The following KCNH5 variants were observed in gnomAD, a reference collection of about 807,000 sequenced individuals.
KCNH5 encodes the protein potassium voltage-gated channel subfamily H member 5.
Under a neutral mutation model 96.1 loss-of-function variants are expected in KCNH5, and 46 were observed. The ratio of observed to expected loss-of-function variants is 0.48; its 90% CI spans 0.38 to 0.61. The LOEUF (loss-of-function observed/expected upper bound fraction) is 0.61, where lower values mean the gene tolerates loss of function less well. KCNH5 is among the 20% of genes least tolerant of loss of function. KCNH5 has a pLI of 0.00. For synonymous variants in KCNH5, 439 were observed against 449.8 expected (o/e 0.98, Z 0.30); for missense variants, 907 against 1,225.8 (o/e 0.74, Z 3.88).
At chr14:62,817,168 AAT>A (rs1380205488) in intron 8 of KCNH5, among the ~76,000 whole-genome samples, 1 of 138,780 alleles carries the variant, frequency 7.2e-6, no homozygotes, top group Non-Finnish European at 1.5e-5. Context: ...CATAATATAT[AAT>A]ATATAATATA....
chr14:62,867,343 C>T (rs901848578), intron 7 of KCNH5, among the ~76,000 whole-genome samples: 1 of 152,206 alleles, frequency 6.6e-6, no homozygotes, highest in Non-Finnish European at 1.5e-5. Context: ...GGCTTCCTAA[C>T]ACCCACAGGT....
At chr14:62,773,360 C>A (rs534039630) in intron 10 of KCNH5, among the ~76,000 whole-genome samples, 1 of 152,266 alleles carries the variant, frequency 6.6e-6, no homozygotes, top group South Asian at 2.1e-4. Context: ...TCCTGGAATC[C>A]TTCCCTGTTT....
chr14:62,839,402 T>C (rs990151885), intron 8 of KCNH5, among the ~76,000 whole-genome samples: 2 of 152,328 alleles, frequency 1.3e-5, no homozygotes, highest in East Asian at 3.9e-4. Flanking sequence ...AGTAAAGCTA[T>C]ACCCTGATCT....
intron 8 of KCNH5, among the ~76,000 whole-genome samples, chr14:62,826,678 A>G (rs111878737): frequency 1.3e-5 from 2 of 152,150 alleles, no homozygotes; most frequent in East Asian, 3.9e-4. Context: ...TTACCTACAT[A>G]TAACCCTTAA....
chr14:62,995,736 G>A (rs185848060), intron 4 of KCNH5, among the ~76,000 whole-genome samples: 8 of 152,132 alleles, frequency 5.3e-5, no homozygotes, highest in African/African-American at 1.9e-4. Flanking sequence ...TTTACTCTCA[G>A]TTGATAACTG....
intron 6 of KCNH5, among the ~76,000 whole-genome samples, chr14:62,961,893 T>A (rs543331555): frequency 2.6e-4 from 37 of 141,076 alleles, no homozygotes; most frequent in Middle Eastern, 4.5e-3. Flanking sequence ...GAGATGGAGA[T>A]GGAGATGATG....
In KCNH5 at chr14:62,708,538, T is replaced by G. The variant is rs931696215; in HGVS notation, c.2020-83A>C. The stretch of plus-strand genomic sequence containing the variant: ...GTATAATACTATGCTGTATGTGCTT[T>G]GTGTTACAAAGAAAACCCTTGAATA... On this transcript the variant is annotated intron_variant, in intron 10 of 10. Transcript: ENST00000322893. The G allele has an allele frequency of 4.9e-6, 4 of 823,688 alleles. No individual in the cohort carries two copies. In the African/African-American group the frequency reaches 6.8e-5, roughly 14 times the overall value. The allele number at this position is 823,688 out of a possible 1,614,324, so 51.0% of individuals were successfully genotyped here.
chr14:62,892,662 T>C (rs1438004335), intron 7 of KCNH5, among the ~76,000 whole-genome samples: 3 of 152,214 alleles, frequency 2.0e-5, no homozygotes, highest in Non-Finnish European at 2.9e-5. Flanking sequence ...CTCTTGTCAG[T>C]AGTTAATGCA....
At chr14:63,003,624 A>AC (rs1555333067) in intron 3 of KCNH5, among the ~76,000 whole-genome samples, 5 of 92,854 alleles carry the variant, frequency 5.4e-5, no homozygotes, top group African/African-American at 2.4e-4. Flanking sequence ...ATATATATAT[A>AC]TTTTTTTTTT....
intron 8 of KCNH5, among the ~76,000 whole-genome samples, chr14:62,830,559 G>A (rs1887323506): frequency 6.6e-6 from 1 of 152,130 alleles, no homozygotes; most frequent in African/African-American, 2.4e-5. Context: ...GAGGGGAACT[G>A]CCACACACTT....
intron 6 of KCNH5, among the ~76,000 whole-genome samples, chr14:62,957,502 T>C (rs1425271214): frequency 6.6e-6 from 1 of 152,204 alleles, no homozygotes; most frequent in African/African-American, 2.4e-5. Context: ...GCTGTGTTTA[T>C]TTTTCCCCCT....
At chr14:62,868,922 T>C (rs987594064) in intron 7 of KCNH5, among the ~76,000 whole-genome samples, 1 of 152,242 alleles carries the variant, frequency 6.6e-6, no homozygotes, top group Non-Finnish European at 1.5e-5. Flanking sequence ...ACATTTTCTT[T>C]ATCCAGTCTA....
chr14:62,908,465 A>T (rs1170792641), intron 7 of KCNH5, among the ~76,000 whole-genome samples: 3 of 152,180 alleles, frequency 2.0e-5, no homozygotes, highest in Admixed American at 6.5e-5. Context: ...CCCACCCCAA[A>T]TTCCTAGAAA....
At chr14:62,824,792 T>A (rs72728766) in intron 8 of KCNH5, among the ~76,000 whole-genome samples, 252 of 152,080 alleles carry the variant, frequency 1.7e-3, no homozygotes, top group Non-Finnish European at 3.0e-3. Flanking sequence ...CCTCTAGTAG[T>A]CCCCAGTCTA....
intron 7 of KCNH5, among the ~76,000 whole-genome samples, chr14:62,861,037 T>C (rs1466603632): frequency 6.6e-6 from 1 of 152,180 alleles, no homozygotes; most frequent in Non-Finnish European, 1.5e-5. Context: ...GCCTTTTTTG[T>C]GACATGATTT....
At chr14:62,920,505 G>A (rs962007081) in intron 7 of KCNH5, among the ~76,000 whole-genome samples, 1 of 152,000 alleles carries the variant, frequency 6.6e-6, no homozygotes, top group African/African-American at 2.4e-5. Flanking sequence ...ATAACCTCCA[G>A]TGTGATGCCC....
intron 10 of KCNH5, among the ~76,000 whole-genome samples, chr14:62,717,058 G>T (rs1314910401): frequency 6.6e-6 from 1 of 152,008 alleles, no homozygotes; most frequent in Non-Finnish European, 1.5e-5. Flanking sequence ...GCTTCAAGGA[G>T]AATAAAAGGA....
At chr14:62,826,408 ATGTGTGTGTGTG>A (rs71451280) in intron 8 of KCNH5, among the ~76,000 whole-genome samples, 8 of 141,982 alleles carry the variant, frequency 5.6e-5, no homozygotes, top group South Asian at 2.3e-4. Flanking sequence ...GCGTGCGTGC[ATGTGTGTGTGTG>A]TGTGTGTGTG....
chr14:62,869,985 T>C (rs1358310679), intron 7 of KCNH5, among the ~76,000 whole-genome samples: 1 of 152,236 alleles, frequency 6.6e-6, no homozygotes, highest in Non-Finnish European at 1.5e-5. Flanking sequence ...GTCATTACTT[T>C]TAATGGCAAA....
Sources: allele counts gnomAD v4.1 joint callset (sites outside exome capture counted in the v4.1 genomes callset), GRCh38; gene constraint gnomAD v4.1.1; transcripts MANE v1.5; gene names NCBI Gene and HGNC (gene_info 2026-07-23, HGNC 2026-07-21).